The following BDP1 variants were observed in gnomAD, a reference collection of about 807,000 sequenced individuals.
The protein encoded by BDP1 is transcription factor TFIIIB component B'' homolog.
BDP1 carries 169 observed loss-of-function variants against 266.6 expected under a neutral mutation model. The observed-to-expected ratio is 0.63, with a 90% CI of 0.56 to 0.72. The LOEUF (loss-of-function observed/expected upper bound fraction) is 0.72, where lower values mean the gene tolerates loss of function less well. BDP1 is among the 30% of genes least tolerant of loss of function. The pLI is 0.00. For synonymous variants in BDP1, 1,090 were observed against 1,022.4 expected, an observed-to-expected ratio of 1.07 and a Z score of -1.26; for missense variants, 3,015 against 3,053.8, an observed-to-expected ratio of 0.99 and a Z score of 0.30.
rs534193632 is a variant in BDP1 at position 71,455,832 on chromosome 5, C to T, written c.-46C>T. The T allele has an allele frequency of 1.1e-4, 159 of 1,508,694 alleles. No homozygotes were observed. The highest frequency in any genetic ancestry group is 2.2e-4 in the Middle Eastern group (1 of 4,558). The allele number at this position is 1,508,694 out of a possible 1,614,324, so 93.5% of individuals were successfully genotyped here. A position where few individuals can be genotyped will look rare whatever the true frequency, so the allele number is the denominator to read the frequency against. On this transcript the variant is annotated 5_prime_UTR_variant, in exon 1 of 39. Coordinates refer to ENST00000358731, the MANE Select transcript of BDP1 (RefSeq NM_018429.3). ...TCCGGGCAGCCGCCGGGGCTCGGGG[C>T]TGTGAGCGGCCGTGAGGCTGCCTCC...
intron 24 of BDP1, 77 bp from the exon 25 acceptor site, chr5:71,523,862 C>T: frequency 7.3e-7 from 1 of 1,372,512 alleles, no homozygotes; most frequent in Non-Finnish European, 9.8e-7. Flanking sequence ...ACTGGAATTT[C>T]ACTCTAAAAG....
At position 71,466,131 on chromosome 5, in the gene BDP1, A is replaced by G. The variant is rs1425760379; in HGVS notation, c.695A>G (p.Asn232Ser). 1 of 1,613,834 alleles carries G rather than the reference A, an allele frequency of 6.2e-7. No homozygotes were observed. Among genetic ancestry groups the G allele is most frequent in the South Asian group, 1.1e-5 (1 of 91,060 alleles). ...EGKSTPNAEDNEMEEETDDGP... is the reference protein window; with the variant it reads ...EGKSTPNAEDSEMEEETDDGP... The stretch of plus-strand genomic sequence containing the variant: ...AAGAGTACTCCTAATGCTGAAGATA[A>G]TGAAATGGAAGAAGAGACAGATGAT... The change falls in exon 5 of 39, where the codon AAT becomes AGT. Residue 232 changes from asparagine (N) to serine (S), a missense_variant. Coordinates refer to ENST00000358731, the MANE Select transcript of BDP1 (RefSeq NM_018429.3).
Position 71,560,315 on chromosome 5 carries a change from A to C in BDP1, c.7496+78A>C, listed in dbSNP as rs1490490188. On this transcript the variant is annotated intron_variant, in intron 37 of 38. Transcript: ENST00000358731. ...AACCTATACAGAACAGATTAGATCC[A>C]GTACTAAGGATGGTGTTTAATAAAC... 2.1e-6 allele frequency: 3 copies of C among 1,413,310 alleles called. No individual in the cohort carries two copies. The South Asian group carries it at 4.2e-5, about 20-fold the overall frequency. The allele number at this position is 1,413,310 out of a possible 1,614,324, so 87.5% of individuals were successfully genotyped here. A position where few individuals can be genotyped will look rare whatever the true frequency, so the allele number is the denominator to read the frequency against.
intron 7 of BDP1, among the ~76,000 whole-genome samples, chr5:71,479,931 TCC>T (rs79362773): frequency 0.42 from 63,354 of 151,384 alleles, 13,569 homozygotes; most frequent in South Asian, 0.47. Context: ...TTTTTTGGTC[TCC>T]GTCACGGGTT....
At chr5:71,515,360 T>A (rs1230522147) in intron 20 of BDP1, among the ~76,000 whole-genome samples, 1 of 152,148 alleles carries the variant, frequency 6.6e-6, no homozygotes, top group African/African-American at 2.4e-5. Flanking sequence ...GCAATGCATT[T>A]AAAAACTACA....
intron 11 of BDP1, among the ~76,000 whole-genome samples, chr5:71,492,887 A>G (rs1484091703): frequency 1.3e-5 from 2 of 152,256 alleles, no homozygotes; most frequent in East Asian, 3.8e-4. Context: ...TTGTGCAGCC[A>G]TCAGCACTAT....
chr5:71,473,038 A>G (rs923262714), intron 7 of BDP1, among the ~76,000 whole-genome samples: 12 of 151,106 alleles, frequency 7.9e-5, no homozygotes, highest in African/African-American at 2.9e-4. Context: ...ACGTGCCACA[A>G]TGCCCGGCTA....
rs143437562 is a variant in BDP1 at position 71,535,686 on chromosome 5, A to T, written c.5892+3259A>T. ...TGTCACCAATGTTGGTTCCTTCTGG[A>T]GGCTCTGAGGAAGAACCATCCCATG... On this transcript the variant is annotated intron_variant, in intron 26 of 38. Coordinates refer to ENST00000358731, the MANE Select transcript of BDP1 (RefSeq NM_018429.3). 4.2e-3 allele frequency among the ~76,000 whole-genome samples: 647 copies of T among 152,236 alleles called. 2 individuals carry two copies. Among genetic ancestry groups the T allele is most frequent in the South Asian group, 5.4e-3 (26 of 4,814 alleles).
Position 71,510,578 on chromosome 5 carries a change from G to T in BDP1, c.3486G>T (p.Glu1162Asp), listed in dbSNP as rs746094865. 1.2e-6 allele frequency: 2 copies of T among 1,614,154 alleles called. No individual in the cohort carries two copies. Among genetic ancestry groups the T allele is most frequent in the Non-Finnish European group, 8.5e-7 (1 of 1,180,024 alleles). ...EISPEENGPE[E>D]VKPVDEMETD... Reference sequence around the variant, plus strand: ...CCCCAGAGGAAAATGGCCCAGAGGAGGTCAAGCCTGTAGATGAAATGGAGA... The same window carrying T: ...CCCCAGAGGAAAATGGCCCAGAGGATGTCAAGCCTGTAGATGAAATGGAGA... The change falls in exon 17 of 39, where the codon GAG (glutamate) becomes GAT (aspartate). Residue 1162 changes from glutamate (E) to aspartate (D), a missense_variant. Glu to Asp is a conservative substitution (Grantham distance 45, BLOSUM62 2). Coordinates refer to ENST00000358731, the MANE Select transcript of BDP1 (RefSeq NM_018429.3).
At chr5:71,534,296 C>T (rs1561761800) in intron 26 of BDP1, among the ~76,000 whole-genome samples, 1 of 152,134 alleles carries the variant, frequency 6.6e-6, no homozygotes, top group African/African-American at 2.4e-5. Flanking sequence ...ATGTCTTTTG[C>T]ATGTTGCTAT....
chr5:71,518,129 A>G (rs186821164), intron 22 of BDP1, among the ~76,000 whole-genome samples: 1 of 152,308 alleles, frequency 6.6e-6, no homozygotes, highest in East Asian at 1.9e-4. Flanking sequence ...TTATTATTAA[A>G]GCAAGATGTG....
intron 16 of BDP1, among the ~76,000 whole-genome samples, chr5:71,506,334 C>G: frequency 6.6e-6 from 1 of 152,176 alleles, no homozygotes; most frequent in East Asian, 1.9e-4. Context: ...CCAGAATCCT[C>G]AAAAGCAATT....
intron 30 of BDP1, among the ~76,000 whole-genome samples, chr5:71,543,780 C>G (rs1767110857): frequency 6.6e-6 from 1 of 152,298 alleles, no homozygotes; most frequent in East Asian, 1.9e-4. Flanking sequence ...TGTTATGACT[C>G]TCTCTGCTTC....
chr5:71,465,589 A>G (rs1411505115), intron 4 of BDP1, among the ~76,000 whole-genome samples: 1 of 152,186 alleles, frequency 6.6e-6, no homozygotes, highest in Non-Finnish European at 1.5e-5. Context: ...AAAAGAGAGT[A>G]AAGACTGCTT....
intron 34 of BDP1, 107 bp from the exon 35 acceptor site, chr5:71,553,009 C>T (rs1742961255): frequency 2.1e-6 from 2 of 942,990 alleles, no homozygotes; most frequent in African/African-American, 1.7e-5. Context: ...ATTGGAATAC[C>T]TCAGCCTTTA....
At chr5:71,523,248 C>CCTAT (rs879573074) in intron 24 of BDP1, among the ~76,000 whole-genome samples, 3 of 152,218 alleles carry the variant, frequency 2.0e-5, no homozygotes, top group Admixed American at 6.5e-5. Context: ...TTTCTTTTAA[C>CCTAT]CTATCTGTTT....
At chr5:71,508,989 A>T (rs1319241452) in intron 16 of BDP1, among the ~76,000 whole-genome samples, 1 of 152,216 alleles carries the variant, frequency 6.6e-6, no homozygotes, top group Non-Finnish European at 1.5e-5. Context: ...GGCAGACCTC[A>T]TTTGTAGTCC....
chr5:71,491,028 A>C lies in BDP1; in HGVS notation c.1537A>C (p.Ser513Arg), dbSNP rs762466327. 3.1e-6 allele frequency: 5 copies of C among 1,613,728 alleles called. No homozygotes were observed. The highest frequency in any genetic ancestry group is 1.3e-5 in the African/African-American group (1 of 74,950). Residue 513 changes from serine (S) to arginine (R), a missense_variant, in exon 11 of 39, where the codon AGT becomes CGT. Physicochemically the swap from Ser to Arg is moderately radical, Grantham distance 110 (BLOSUM62 -1). Around this residue, in one of 3 missense-constraint regions of BDP1, gnomAD observed 2,383 missense variants for 2,404.9 expected, o/e 0.99. Coordinates refer to ENST00000358731, the MANE Select transcript of BDP1 (RefSeq NM_018429.3). The stretch of plus-strand genomic sequence containing the variant: ...GCCTGAGCTAAAGGAAGGTGAATGC[A>C]GTAAGGAGCAGATGCTTTCCTGCAC... ...IRPELKEGEC[S>R]KEQMLSCTQN...
Position 71,489,468 on chromosome 5 carries a change from A to T in BDP1, c.1278A>T (p.Ser426=). The T allele has an allele frequency of 6.2e-7, 1 of 1,613,914 alleles. No homozygotes were observed. ...ATGAGTCTATGAGTTCTAGAATTTC[A>T]GACACGGAAAGATCTCAGAAGGATG... ...DPDESMSSRI[S]DTERSQKDAQ... The change falls in exon 10 of 39, where the codon TCA becomes TCT. Residue 426 remains serine, a synonymous_variant. Transcript: ENST00000358731.
Sources: allele counts gnomAD v4.1 joint callset (sites outside exome capture counted in the v4.1 genomes callset), GRCh38; gene constraint gnomAD v4.1.1; regional missense constraint gnomAD v4.1.1; transcripts MANE v1.5; gene names NCBI Gene and HGNC (gene_info 2026-07-23, HGNC 2026-07-21).